Variants in BACH2 observed in about 807,000 individuals in gnomAD.
BACH2 encodes the protein transcription regulator protein BACH2.
Under a neutral mutation model 61.8 loss-of-function variants are expected in BACH2, and 5 were observed. The ratio of observed to expected loss-of-function variants is 0.08; its 90% CI spans 0.04 to 0.17. The LOEUF (loss-of-function observed/expected upper bound fraction) is 0.17, where lower values mean the gene tolerates loss of function less well. Among genes scored for constraint, BACH2 ranks in the 10% least tolerant of loss-of-function variants. BACH2 has a pLI of 1.00. For missense variants in BACH2, 824 were observed against 1,091.1 expected (o/e 0.76, Z 3.45); for synonymous variants, 446 against 440.1 (o/e 1.01, Z -0.17).
chr6:90,267,284 A>G (rs1470184822), intron 2 of BACH2, among the ~76,000 whole-genome samples: 1 of 152,198 alleles, frequency 6.6e-6, no homozygotes, highest in African/African-American at 2.4e-5. Context: ...CCCCAAATTG[A>G]ATAGAAAGAT....
intron 8 of BACH2, among the ~76,000 whole-genome samples, chr6:89,933,920 A>G (rs1372011167): frequency 6.6e-6 from 1 of 152,136 alleles, no homozygotes; most frequent in Non-Finnish European, 1.5e-5. Context: ...CGGGTGGTGG[A>G]AGCTGCAGTG....
chr6:90,036,796 C>A (rs1335416604), intron 5 of BACH2, among the ~76,000 whole-genome samples: 1 of 151,996 alleles, frequency 6.6e-6, no homozygotes, highest in East Asian at 1.9e-4. Flanking sequence ...AATACATATA[C>A]CCATGTAAAC....
chr6:89,935,420 C>A (rs1300462028), intron 8 of BACH2, among the ~76,000 whole-genome samples: 1 of 152,170 alleles, frequency 6.6e-6, no homozygotes, highest in African/African-American at 2.4e-5. Flanking sequence ...AGCACGGACC[C>A]CTCCAGGCCT....
intron 3 of BACH2, among the ~76,000 whole-genome samples, chr6:90,241,802 GA>G (rs58160298): frequency 2.7e-5 from 4 of 150,140 alleles, no homozygotes; most frequent in African/African-American, 4.9e-5. Flanking sequence ...TAAGATAAAT[GA>G]AAAAAAAATT....
intron 4 of BACH2, among the ~76,000 whole-genome samples, chr6:90,166,229 C>T (rs967899734): frequency 2.6e-5 from 4 of 152,170 alleles, no homozygotes; most frequent in Admixed American, 6.6e-5. Context: ...ACAACCCCAT[C>T]AACAAGTGGG....
intron 1 of BACH2, among the ~76,000 whole-genome samples, chr6:90,286,898 A>T (rs555019663): frequency 6.6e-6 from 1 of 152,356 alleles, no homozygotes; most frequent in Admixed American, 6.5e-5. Context: ...AGAGAGGGAA[A>T]CAAATTAAGT....
At chr6:89,948,653 T>C (rs925059586) in intron 7 of BACH2, among the ~76,000 whole-genome samples, 12 of 152,030 alleles carry the variant, frequency 7.9e-5, no homozygotes, top group African/African-American at 2.9e-4. Context: ...TCATTCACGG[T>C]TTCAGAACAA....
At chr6:90,295,872 G>A (rs1582577957) in intron 1 of BACH2, among the ~76,000 whole-genome samples, 3 of 152,236 alleles carry the variant, frequency 2.0e-5, no homozygotes, top group African/African-American at 4.8e-5. Context: ...CTAAACTTGG[G>A]CTTTGATTCC....
chr6:89,965,065 T>C (rs904107196), intron 6 of BACH2, among the ~76,000 whole-genome samples: 1 of 152,106 alleles, frequency 6.6e-6, no homozygotes, highest in African/African-American at 2.4e-5. Context: ...TTTTGTATTT[T>C]TAGTAGAGAA....
chr6:89,984,118 C>T (rs908772868), intron 6 of BACH2, among the ~76,000 whole-genome samples: 1 of 152,174 alleles, frequency 6.6e-6, no homozygotes, highest in African/African-American at 2.4e-5. Context: ...CCTGTCCTCT[C>T]TCCCACCATG....
intron 5 of BACH2, among the ~76,000 whole-genome samples, chr6:90,044,914 AG>A (rs1214644861): frequency 6.6e-6 from 1 of 152,178 alleles, no homozygotes; most frequent in African/African-American, 2.4e-5. Flanking sequence ...TTGATTAGAC[AG>A]CCCTGTGGAG....
At chr6:90,191,489 C>G (rs181470527) in intron 4 of BACH2, among the ~76,000 whole-genome samples, 2 of 152,166 alleles carry the variant, frequency 1.3e-5, no homozygotes, top group Non-Finnish European at 2.9e-5. Flanking sequence ...TAGTTCATTG[C>G]AAATTTACTC....
intron 3 of BACH2, among the ~76,000 whole-genome samples, chr6:90,230,412 C>T (rs1033308930): frequency 2.6e-5 from 4 of 152,084 alleles, no homozygotes; most frequent in African/African-American, 4.8e-5. Context: ...CAGTTTGATG[C>T]ATATAAAGGG....
At chr6:90,090,598 T>C (rs935202122) in intron 4 of BACH2, among the ~76,000 whole-genome samples, 1 of 152,212 alleles carries the variant, frequency 6.6e-6, no homozygotes, top group African/African-American at 2.4e-5. Context: ...CTTGCTGTTT[T>C]TGACATAGCA....
intron 4 of BACH2, among the ~76,000 whole-genome samples, chr6:90,184,893 T>C (rs1768299056): frequency 6.6e-6 from 1 of 152,224 alleles, no homozygotes; most frequent in Non-Finnish European, 1.5e-5. Flanking sequence ...TTACTTCTCT[T>C]TTCATTTGTG....
intron 3 of BACH2, among the ~76,000 whole-genome samples, chr6:90,223,287 T>G (rs1769801924): frequency 1.3e-5 from 2 of 152,128 alleles, no homozygotes; most frequent in Non-Finnish European, 2.9e-5. Flanking sequence ...ATTCTTACTT[T>G]CAAAGAGCTC....
intron 4 of BACH2, among the ~76,000 whole-genome samples, chr6:90,189,188 A>G (rs986221371): frequency 6.6e-6 from 1 of 152,258 alleles, no homozygotes; most frequent in African/African-American, 2.4e-5. Context: ...GTAGGTAAAG[A>G]TCACAGATTG....
In BACH2 at chr6:89,973,431, G is replaced by A. The variant is rs539270058; in HGVS notation, c.244-21569C>T. Among the ~76,000 whole-genome samples, 5 of 152,272 alleles carry A rather than the reference G, an allele frequency of 3.3e-5. 1 individual carries two copies. The highest frequency in any genetic ancestry group is 3.3e-4 in the Admixed American group (5 of 15,302). On this transcript the variant is annotated intron_variant, in intron 6 of 8. Coordinates refer to ENST00000257749, the MANE Select transcript of BACH2 (RefSeq NM_021813.4). ...GTGGAGCAACCTACCAAACCTACCA[G>A]TTCTATGACCAGGGTCTCCACTTGG...
chr6:90,013,453 TCCTCCCCTTCCTTCCCTCCCCTCC>T (rs1777833210), intron 5 of BACH2, among the ~76,000 whole-genome samples: 1 of 151,762 alleles, frequency 6.6e-6, no homozygotes, highest in Admixed American at 6.6e-5. Context: ...TCTCCCTCTC[TCCTCCCCTTCCTTCCCTCCCCTCC>T]CCTCCCCTTG....
Sources: allele counts gnomAD v4.1 joint callset (sites outside exome capture counted in the v4.1 genomes callset), GRCh38; gene constraint gnomAD v4.1.1; transcripts MANE v1.5; gene names NCBI Gene and HGNC (gene_info 2026-07-23, HGNC 2026-07-21).